The following NBPF20 variants were observed in gnomAD, a reference collection of about 807,000 sequenced individuals.
NBPF20 encodes NBPF family member NBPF20.
NBPF20 carries 90 observed loss-of-function variants against 68.1 expected under a neutral mutation model. The ratio of observed to expected loss-of-function variants is 1.32; its 90% CI spans 1.11 to 1.58. The LOEUF is 1.58. Ranked by LOEUF, NBPF20 falls within the 40% of genes most tolerant of loss-of-function variation. NBPF20 has a pLI of 0.00. For synonymous variants in NBPF20, 290 were observed against 228.1 expected (o/e 1.27, Z -2.45); for missense variants, 816 against 601.2 (o/e 1.36, Z -3.74).
rs1406943085 is a variant in NBPF20, at chr1:145,405,317, A to T, written c.-35-10T>A. The T allele has an allele frequency of 2.6e-6, 4 of 1,546,738 alleles. No individual in the cohort carries two copies. The highest frequency in any genetic ancestry group is 1.7e-5 in the Admixed American group (1 of 59,814). On this transcript the variant is annotated splice_polypyrimidine_tract_variant and intron_variant, in intron 1 of 137. Coordinates refer to ENST00000369373, the Ensembl canonical transcript of NBPF20. The stretch of plus-strand genomic sequence containing the variant: ...GAGGTGGAGTCAGGGACTGGGGAGA[A>T]GAAACCCAAACATATGATGGGTTAA...
At chr1:145,394,419 G>A (rs1269705705) in intron 8 of NBPF20, among the ~76,000 whole-genome samples, 4 of 152,066 alleles carry the variant, frequency 2.6e-5, no homozygotes. Context: ...TGGGTGAAAA[G>A]TCAGCCATTT....
chr1:145,405,944 A>T (rs1662757923), upstream of NBPF20, among the ~76,000 whole-genome samples: 3 of 149,618 alleles, frequency 2.0e-5, no homozygotes, highest in South Asian at 6.4e-4. Flanking sequence ...TTGGAGACAG[A>T]GTCTCACTCT....
chr1:145,392,830 G>A (rs1188655864), intron 10 of NBPF20, among the ~76,000 whole-genome samples: 1 of 98,064 alleles, frequency 1.0e-5, no homozygotes, highest in Non-Finnish European at 1.8e-5. Context: ...CAGGTCGAAC[G>A]TCATGAGAGT....
the NBPF20 span, among the ~76,000 whole-genome samples, chr1:145,416,150 A>G: frequency 2.0e-5 from 3 of 151,478 alleles, 1 homozygote; most frequent in Non-Finnish European, 4.4e-5. Context: ...AAAAGATAAA[A>G]TAAAGACGGT....
At chr1:145,407,542 G>C (rs1334384167), upstream of NBPF20, among the ~76,000 whole-genome samples, 1 of 145,258 alleles carries the variant, frequency 6.9e-6, no homozygotes, top group African/African-American at 2.5e-5. Context: ...TATATAATAC[G>C]TGTATATACA....
upstream of NBPF20, among the ~76,000 whole-genome samples, chr1:145,408,551 G>T (rs1662897518): frequency 6.6e-6 from 1 of 151,852 alleles, no homozygotes; most frequent in South Asian, 2.1e-4. Context: ...AAATCTAGCA[G>T]AGTAAGTCCT....
At chr1:145,408,514 A>G (rs1368742300), upstream of NBPF20, among the ~76,000 whole-genome samples, 1 of 152,022 alleles carries the variant, frequency 6.6e-6, no homozygotes. Flanking sequence ...CTGTTTTAAA[A>G]TTACTGTAGC....
intron 2 of NBPF20, among the ~76,000 whole-genome samples, chr1:145,403,777 C>A (rs1214301753): frequency 6.6e-6 from 1 of 151,442 alleles, no homozygotes; most frequent in Non-Finnish European, 1.5e-5. Flanking sequence ...TTTTTAAAAT[C>A]TTTGATTTTT....
At chr1:145,291,892 G>C (rs1176760382) in intron 137 of NBPF20, 123 bp from the exon 143 acceptor site, 223 of 1,572,790 alleles carry the variant, frequency 1.4e-4, no homozygotes, top group Non-Finnish European at 1.7e-4. Flanking sequence ...CCATTAATGA[G>C]GTAAAAAAAA....
At chr1:145,402,471 C>A (rs1338412162) in intron 3 of NBPF20, 90 bp from the exon 9 acceptor site, 5 of 1,437,794 alleles carry the variant, frequency 3.5e-6, no homozygotes, top group Non-Finnish European at 4.9e-6. Flanking sequence ...ATAATGTCCT[C>A]AAGGAGACCT....
At position 145,400,716 on chromosome 1, in the gene NBPF20, G is replaced by T. The variant is rs1662483983; in HGVS notation, c.567-122C>A. Reference sequence around the variant, plus strand: ...AGTGGTCCCAGAAAGCAAAATGGAGGTTCCCATTAAGGGGGAACATGCAAT... The same window carrying T: ...AGTGGTCCCAGAAAGCAAAATGGAGTTTCCCATTAAGGGGGAACATGCAAT... On this transcript the variant is annotated intron_variant, in intron 5 of 137. Transcript: ENST00000369373. 5.5e-6 allele frequency: 8 copies of T among 1,462,390 alleles called. No individual in the cohort carries two copies. In the South Asian group the frequency reaches 8.0e-5, roughly 15 times the overall value. 90.6% of individuals were successfully genotyped at this position (1,462,390 alleles called of 1,614,324 possible). A position where few individuals can be genotyped will look rare whatever the true frequency, so the allele number is the denominator to read the frequency against.
chr1:145,401,062 G>A, exon 5 of NBPF20: 1 of 1,605,596 alleles, frequency 6.2e-7, no homozygotes, highest in Admixed American at 1.7e-5. Flanking sequence ...GTGTTACCTG[G>A]GGGCAGACGA....
At chr1:145,292,015 G>A (rs72477334) in intron 137 of NBPF20, among the ~76,000 whole-genome samples, 3,596 of 149,906 alleles carry the variant, frequency 0.024, 79 homozygotes, top group South Asian at 0.051. Flanking sequence ...CTAGTGAATT[G>A]CCCAGGTGAC....
At chr1:145,397,524 A>T (rs1662313640) in intron 7 of NBPF20, among the ~76,000 whole-genome samples, 1 of 152,244 alleles carries the variant, frequency 6.6e-6, no homozygotes, top group African/African-American at 2.4e-5. Context: ...CTTTACAGAG[A>T]AGCAAATGCT....
intron 115 of NBPF20, among the ~76,000 whole-genome samples, chr1:145,309,476 A>ACT (rs1661447556): frequency 1.3e-5 from 1 of 74,412 alleles, no homozygotes; most frequent in Non-Finnish European, 2.6e-5. Flanking sequence ...ACACACACAC[A>ACT]CACAGACACA....
At chr1:145,291,320 G>C (rs1661061299) in exon 138 of NBPF20, 5 of 760,278 alleles carry the variant, frequency 6.6e-6, no homozygotes, top group South Asian at 5.4e-5. Context: ...GCACAGTTAT[G>C]TGAACGTGTC....
intron 3 of NBPF20, 31 bp downstream of exon 8, chr1:145,403,185 C>T (rs1662608267): frequency 1.2e-6 from 2 of 1,611,842 alleles, no homozygotes; most frequent in Non-Finnish European, 1.7e-6. Context: ...ACACACCTGC[C>T]CCCCTGCCTG....
intron 8 of NBPF20, 52 bp from the exon 14 acceptor site, chr1:145,393,987 C>A (rs1351558343): frequency 1.1e-6 from 1 of 931,852 alleles, no homozygotes; most frequent in African/African-American, 1.6e-5. Flanking sequence ...CTTCCTTGCA[C>A]ACAGAAACAT....
intron 137 of NBPF20, among the ~76,000 whole-genome samples, chr1:145,292,025 C>A (rs1481406016): frequency 2.0e-5 from 3 of 149,666 alleles, no homozygotes; most frequent in Non-Finnish European, 2.9e-5. Context: ...GCCCAGGTGA[C>A]ATACTGGTAA....
Sources: gnomAD v4.1 joint callset for allele counts (sites outside exome capture counted in the v4.1 genomes callset) on GRCh38, gnomAD v4.1.1 for gene constraint, MANE v1.5 for transcripts, NCBI Gene and HGNC (gene_info 2026-07-23, HGNC 2026-07-21) for gene names.